Variants in ZNF106 observed in about 807,000 individuals in gnomAD.
ZNF106 encodes zinc finger protein 106, also known as SH3-domain binding protein 3.
Under a neutral mutation model 195.1 loss-of-function variants are expected in ZNF106, and 67 were observed. That is an observed-to-expected ratio of 0.34 (90% confidence interval 0.28 to 0.42). The LOEUF (loss-of-function observed/expected upper bound fraction) is 0.42. ZNF106 is among the 10% of genes least tolerant of loss of function. The pLI, the probability that ZNF106 is intolerant of heterozygous loss-of-function variation, is 1.00. For synonymous variants in ZNF106, 784 were observed against 818.6 expected, an observed-to-expected ratio of 0.96 and a Z score of 0.72; for missense variants, 2,118 against 2,304.5, an observed-to-expected ratio of 0.92 and a Z score of 1.66.
intron 2 of ZNF106, among the ~76,000 whole-genome samples, chr15:42,468,465 C>T (rs2056583779): frequency 6.6e-6 from 1 of 151,914 alleles, no homozygotes. Context: ...AGAGAGTAGG[C>T]CAGGTGCGGT....
intron 14 of ZNF106, among the ~76,000 whole-genome samples, chr15:42,434,843 G>A (rs1010389848): frequency 2.7e-5 from 4 of 148,868 alleles, no homozygotes; most frequent in Non-Finnish European, 4.4e-5. Flanking sequence ...GCACAATCTC[G>A]GCTCACTGCA....
At chr15:42,469,649 G>A (rs2056616921) in intron 2 of ZNF106, among the ~76,000 whole-genome samples, 1 of 151,890 alleles carries the variant, frequency 6.6e-6, no homozygotes, top group South Asian at 2.1e-4. Context: ...CAAGATCAGT[G>A]TGGGCAACCT....
intron 20 of ZNF106, among the ~76,000 whole-genome samples, 175 bp from the exon 21 acceptor site, chr15:42,418,126 A>G (rs2054522146): frequency 6.6e-6 from 1 of 152,230 alleles, no homozygotes; most frequent in Non-Finnish European, 1.5e-5. Context: ...TATCAGTATA[A>G]TGAGGAACCT....
chr15:42,450,956 T>A lies in ZNF106; in HGVS notation c.1316A>T (p.His439Leu). The change falls in exon 5 of 22, where the codon CAC becomes CTC. Residue 439 changes from histidine to leucine, a missense_variant. By Grantham distance (99) the His-to-Leu change is moderately conservative. Coordinates refer to ENST00000564754, the MANE Select transcript of ZNF106 (RefSeq NM_001366845.3). ...AGCAGCGGAATCAGAAGAGGCCTTG[T>A]GATTAAGAGATCCAGTATGTATTTC... ...QKEIHTGSLN[H>L]KASSDSAASF... The A allele has an allele frequency of 1.2e-6, 2 of 1,614,228 alleles. No homozygotes were observed. Among genetic ancestry groups the A allele is most frequent in the South Asian group, 2.2e-5 (2 of 91,082 alleles).
At chr15:42,471,506 G>GA (rs887940760) in intron 2 of ZNF106, among the ~76,000 whole-genome samples, 3 of 152,136 alleles carry the variant, frequency 2.0e-5, no homozygotes, top group African/African-American at 7.2e-5. Flanking sequence ...CGAGGCAGGT[G>GA]AAAAACCTGT....
At chr15:42,462,350 C>T (rs1157889323) in intron 3 of ZNF106, among the ~76,000 whole-genome samples, 1 of 152,182 alleles carries the variant, frequency 6.6e-6, no homozygotes, top group Non-Finnish European at 1.5e-5. Flanking sequence ...GTAATCCCAG[C>T]ACTTTGGGAG....
intron 7 of ZNF106, among the ~76,000 whole-genome samples, chr15:42,445,778 T>A (rs983526660): frequency 6.6e-5 from 10 of 152,158 alleles, no homozygotes; most frequent in Non-Finnish European, 1.5e-5. Flanking sequence ...ATCCATCACA[T>A]CCACTCACTC....
intron 5 of ZNF106, 46 bp from the exon 6 acceptor site, chr15:42,448,751 T>C (rs528432467): frequency 1.3e-6 from 2 of 1,533,186 alleles, no homozygotes; most frequent in South Asian, 2.5e-5. Flanking sequence ...GATATGGTTG[T>C]TGGGAGGGGC....
chr15:42,422,088 G>A, intron 18 of ZNF106, 100 bp from the exon 19 acceptor site: 1 of 913,250 alleles, frequency 1.1e-6, no homozygotes. Context: ...CCACACCTGA[G>A]GCGCCAAGTG....
Position 42,428,025 on chromosome 15 carries a change from T to A in ZNF106, c.4991A>T (p.Asn1664Ile), listed in dbSNP as rs781489474. 6 of 1,613,596 alleles carry A rather than the reference T, an allele frequency of 3.7e-6. No individual in the cohort carries two copies. The highest frequency in any genetic ancestry group is 3.3e-5 in the Admixed American group (2 of 60,012). ...TCTCCTCCAACCACTAACCTTTATGTTGAAGGTGACCACAGTGCCATTTGC... is the reference window on the plus strand; with the variant it reads ...TCTCCTCCAACCACTAACCTTTATGATGAAGGTGACCACAGTGCCATTTGC... ...GLANGTVVTF[N>I]IKNNKRLEIF... The change falls in exon 15 of 22, where the codon AAC becomes ATC. Residue 1664 changes from asparagine to isoleucine, a missense_variant. Asn to Ile is a moderately radical substitution (Grantham distance 149). Coordinates refer to ENST00000564754, the MANE Select transcript of ZNF106 (RefSeq NM_001366845.3).
At chr15:42,462,580 G>A (rs925326974) in intron 3 of ZNF106, among the ~76,000 whole-genome samples, 2 of 152,090 alleles carry the variant, frequency 1.3e-5, no homozygotes, top group African/African-American at 2.4e-5. Flanking sequence ...CTTGGGCTAC[G>A]AGTGTGAAAC....
At chr15:42,483,713 G>C (rs1347974334) in intron 1 of ZNF106, among the ~76,000 whole-genome samples, 1 of 152,130 alleles carries the variant, frequency 6.6e-6, no homozygotes, top group Non-Finnish European at 1.5e-5. Context: ...TATTACATAG[G>C]TTTGAGCTAC....
chr15:42,481,155 T>C (rs767253750), intron 1 of ZNF106, among the ~76,000 whole-genome samples: 2 of 151,996 alleles, frequency 1.3e-5, no homozygotes, highest in Non-Finnish European at 2.9e-5. Context: ...TTTTAAGAAA[T>C]GAAAAAGAAA....
In ZNF106 at chr15:42,450,784, T is replaced by G; in HGVS notation, c.1488A>C (p.Ser496=). 6.2e-7 allele frequency: 1 copy of G among 1,614,210 alleles called. No individual in the cohort carries two copies. The highest frequency in any genetic ancestry group is 8.5e-7 in the Non-Finnish European group (1 of 1,180,038). The change falls in exon 5 of 22, where the codon TCA becomes TCC. Residue 496 remains serine (S), a synonymous_variant. Transcript: ENST00000564754. ...LSQKQDPKNI[S]KNTKTNFFSP... is the part of the protein sequence containing the mutation. The stretch of plus-strand genomic sequence containing the variant: ...AAAAAAAATTTGTTTTGGTGTTTTT[T>G]GAGATATTCTTTGGATCTTGCTTTT...
chr15:42,473,176 C>A (rs973491007), intron 1 of ZNF106, among the ~76,000 whole-genome samples: 1 of 151,978 alleles, frequency 6.6e-6, no homozygotes, highest in African/African-American at 2.4e-5. Flanking sequence ...TGGAATGTTC[C>A]GATTTGGGAT....
chr15:42,430,750 C>T (rs894483653), intron 14 of ZNF106, among the ~76,000 whole-genome samples: 4 of 151,988 alleles, frequency 2.6e-5, no homozygotes, highest in Non-Finnish European at 5.9e-5. Flanking sequence ...TCTTAAGTTA[C>T]GGCTTTTCCC....
intron 16 of ZNF106, chr15:42,424,612 A>G: frequency 2.1e-6 from 1 of 472,946 alleles, no homozygotes; most frequent in Admixed American, 3.5e-5. Context: ...CAGCCTCATA[A>G]GTAGTACAGG....
At position 42,438,662 on chromosome 15, in the gene ZNF106, G is replaced by A. The variant is rs769557430; in HGVS notation, c.4550C>T (p.Ala1517Val). 1 of 1,613,556 alleles carries A rather than the reference G, an allele frequency of 6.2e-7. No homozygotes were observed. Among genetic ancestry groups the A allele is most frequent in the Non-Finnish European group, 8.5e-7 (1 of 1,179,650 alleles). Residue 1517 changes from alanine to valine, a missense_variant, in exon 12 of 22, where the codon GCA becomes GTA. Physicochemically the swap from Ala to Val is moderately conservative, Grantham distance 64. Transcript: ENST00000564754. ...GGAGGAGATCACAGTCTGAGTTTCT[G>A]CCACACTACAAAATAATAGCAAAAG... is the stretch of plus-strand genomic sequence containing the variant. ...RYKDGIPVSV[A>V]ETQTVISSIK...
At position 42,450,002 on chromosome 15, in the gene ZNF106, C is replaced by T. The variant is rs1178408646; in HGVS notation, c.2270G>A (p.Arg757Gln). 6 of 1,614,030 alleles carry T rather than the reference C, an allele frequency of 3.7e-6. No homozygotes were observed. Among genetic ancestry groups the T allele is most frequent in the African/African-American group, 1.3e-5 (1 of 74,912 alleles). Residue 757 changes from arginine to glutamine, a missense_variant, in exon 5 of 22, where the codon CGG (arginine) becomes CAG (glutamine). Physicochemically the swap from Arg to Gln is conservative, Grantham distance 43. Transcript: ENST00000564754. ...AGTTTTGCTCTTCAAACTAATGTGC[C>T]GGGTTAGATCCCTCTGAAGTGAGGC... is the stretch of plus-strand genomic sequence containing the variant. ...FPASLQRDLT[R>Q]HISLKSKTGV...
Sources: allele counts gnomAD v4.1 joint callset (sites outside exome capture counted in the v4.1 genomes callset), GRCh38; gene constraint gnomAD v4.1.1; transcripts MANE v1.5; gene names NCBI Gene and HGNC (gene_info 2026-07-23, HGNC 2026-07-21).